ARHGAP32: variants seen among roughly 807,000 people sequenced by gnomAD.
ARHGAP32 encodes the protein rho GTPase-activating protein 32.
A neutral mutation model predicts 186.5 loss-of-function variants in ARHGAP32; 51 were observed. The observed-to-expected ratio is 0.27, with a 90% CI of 0.22 to 0.35. The LOEUF is 0.35. Ranked by LOEUF, ARHGAP32 falls within the 10% of genes least tolerant of loss-of-function variation. The pLI, the probability that ARHGAP32 is intolerant of heterozygous loss-of-function variation, is 1.00. For synonymous variants in ARHGAP32, 950 were observed against 964.3 expected (o/e 0.99, Z 0.27); for missense variants, 2,186 against 2,623.5 (o/e 0.83, Z 3.64).
At chr11:129,279,113 G>C (rs1482377024) in intron 1 of ARHGAP32, 1 of 146,160 alleles carries the variant, frequency 6.8e-6, no homozygotes, top group Non-Finnish European at 1.5e-5. Context: ...CCACGTCACC[G>C]GCGCCCCCGG....
chr11:129,120,232 G>T (rs1762045636), intron 5 of ARHGAP32, among the ~76,000 whole-genome samples: 1 of 152,054 alleles, frequency 6.6e-6, no homozygotes, highest in African/African-American at 2.4e-5. Flanking sequence ...CAGAAAGAAA[G>T]ATGCCCAAGA....
intron 2 of ARHGAP32, among the ~76,000 whole-genome samples, chr11:129,132,768 A>C (rs73019118): frequency 0.068 from 10,368 of 152,304 alleles, 420 homozygotes; most frequent in Middle Eastern, 0.082. Context: ...TCAAATCTGA[A>C]ATGAAACAGA....
chr11:129,275,774 A>C (rs1945522666), intron 1 of ARHGAP32, among the ~76,000 whole-genome samples: 1 of 152,262 alleles, frequency 6.6e-6, no homozygotes, highest in Non-Finnish European at 1.5e-5. Context: ...CATTCTCATG[A>C]CATGAAATTT....
At chr11:129,088,762 G>C (rs1231177649) in intron 6 of ARHGAP32, among the ~76,000 whole-genome samples, 3 of 152,056 alleles carry the variant, frequency 2.0e-5, no homozygotes, top group African/African-American at 7.2e-5. Flanking sequence ...ATTGCTACCA[G>C]CTGGGCACAA....
At chr11:129,094,733 CACTT>C (rs767728697) in intron 5 of ARHGAP32, among the ~76,000 whole-genome samples, 7 of 152,298 alleles carry the variant, frequency 4.6e-5, no homozygotes, top group Non-Finnish European at 1.0e-4. Context: ...TTGCTTTACT[CACTT>C]ATGTTACACA....
intron 1 of ARHGAP32, among the ~76,000 whole-genome samples, chr11:129,231,466 T>C (rs1469193833): frequency 6.6e-6 from 1 of 152,156 alleles, no homozygotes; most frequent in Admixed American, 6.5e-5. Flanking sequence ...ACTTTAAATT[T>C]TTAAAAAACC....
chr11:129,209,732 T>G (rs964897585), intron 1 of ARHGAP32, among the ~76,000 whole-genome samples: 1 of 151,900 alleles, frequency 6.6e-6, no homozygotes, highest in African/African-American at 2.4e-5. Context: ...AAAGTAAAGA[T>G]TTTTCTTCTC....
At chr11:129,128,385 A>T (rs1942711946) in intron 2 of ARHGAP32, among the ~76,000 whole-genome samples, 1 of 152,202 alleles carries the variant, frequency 6.6e-6, no homozygotes, top group Non-Finnish European at 1.5e-5. Context: ...CACAATCCCC[A>T]TTAAAACACT....
chr11:129,167,238 C>T lies in ARHGAP32; in HGVS notation c.117-2811G>A, dbSNP rs188432080. On this transcript the variant is annotated intron_variant, in intron 1 of 22. Transcript: ENST00000682385. ...GCAAACAGACTAGCTGGGAAAGATA[C>T]GGAGAAATCACACCCCTCATTCATT... Among the ~76,000 whole-genome samples the T allele has an allele frequency of 5.2e-3, 789 of 152,170 alleles. 2 individuals are homozygous for T. The highest frequency in any genetic ancestry group is 0.018 in the African/African-American group (751 of 41,522).
intron 2 of ARHGAP32, among the ~76,000 whole-genome samples, chr11:129,145,297 A>G (rs1943145658): frequency 7.6e-6 from 1 of 131,184 alleles, no homozygotes; most frequent in South Asian, 2.4e-4. Flanking sequence ...TACTAGTAAA[A>G]ATGTGCATGC....
intron 2 of ARHGAP32, among the ~76,000 whole-genome samples, chr11:129,156,768 A>G (rs921664656): frequency 3.3e-5 from 5 of 152,174 alleles, no homozygotes; most frequent in African/African-American, 7.2e-5. Context: ...CCTGAACCCC[A>G]TGCCTCCTGA....
At position 128,986,033 on chromosome 11, in the gene ARHGAP32, A is replaced by T; in HGVS notation, c.1496T>A (p.Val499Asp). 6.2e-7 allele frequency: 1 copy of T among 1,608,110 alleles called. No individual in the cohort carries two copies. The highest frequency in any genetic ancestry group is 8.5e-7 in the Non-Finnish European group (1 of 1,178,182). The change falls in exon 15 of 23, where the codon GTC (valine) becomes GAC (aspartate). Residue 499 changes from valine (V) to aspartate (D), a missense_variant. By Grantham distance (152) the Val-to-Asp change is radical. This residue lies in a region of ARHGAP32 where 308 missense variants were observed against 596.5 expected (regional missense o/e 0.52). Coordinates refer to ENST00000682385, the MANE Select transcript of ARHGAP32 (RefSeq NM_001378024.1). ...GTGTGGTGGGGGGAGCTGCTGGATGACATCGTGGATTTTTATCAGCCTTTC... is the reference window on the plus strand; with the variant it reads ...GTGTGGTGGGGGGAGCTGCTGGATGTCATCGTGGATTTTTATCAGCCTTTC... ...DEERLIKIHDVIQQLPPPHYR... is the reference protein window; with the variant it reads ...DEERLIKIHDDIQQLPPPHYR...
chr11:129,025,285 T>C (rs1938785483), intron 11 of ARHGAP32, among the ~76,000 whole-genome samples: 1 of 152,198 alleles, frequency 6.6e-6, no homozygotes, highest in South Asian at 2.1e-4. Context: ...TCATGCACCA[T>C]TCCAAAATCT....
At chr11:129,086,274 A>G (rs1027732680) in intron 6 of ARHGAP32, among the ~76,000 whole-genome samples, 1 of 152,208 alleles carries the variant, frequency 6.6e-6, no homozygotes, top group Non-Finnish European at 1.5e-5. Flanking sequence ...CTTTTACAAG[A>G]ATTAACTCAA....
chr11:129,210,476 T>C (rs1002889192), intron 1 of ARHGAP32, among the ~76,000 whole-genome samples: 6 of 152,204 alleles, frequency 3.9e-5, no homozygotes, highest in African/African-American at 1.4e-4. Context: ...AATTTACAAG[T>C]GGTAGTTGCC....
At chr11:129,132,499 T>G (rs1273616828) in intron 2 of ARHGAP32, among the ~76,000 whole-genome samples, 2 of 147,284 alleles carry the variant, frequency 1.4e-5, no homozygotes, top group African/African-American at 5.0e-5. Context: ...AAAAGCAGGA[T>G]AAGACCACAG....
chr11:129,250,111 G>A (rs1945159498), intron 1 of ARHGAP32, among the ~76,000 whole-genome samples: 1 of 152,058 alleles, frequency 6.6e-6, no homozygotes, highest in Non-Finnish European at 1.5e-5. Flanking sequence ...CAGCTGCTCA[G>A]GAGGGTGAAG....
intron 5 of ARHGAP32, among the ~76,000 whole-genome samples, chr11:129,104,318 G>C (rs545115189): frequency 1.3e-5 from 2 of 152,132 alleles, no homozygotes; most frequent in Admixed American, 6.5e-5. Context: ...AATTATGAAA[G>C]ATGAAAAGTT....
At chr11:129,225,888 C>T (rs1944774490) in intron 1 of ARHGAP32, among the ~76,000 whole-genome samples, 2 of 152,150 alleles carry the variant, frequency 1.3e-5, no homozygotes, top group South Asian at 2.1e-4. Context: ...GAGAATGATG[C>T]TTCACCAAAT....
Sources: allele counts gnomAD v4.1 joint callset (sites outside exome capture counted in the v4.1 genomes callset), GRCh38; gene constraint gnomAD v4.1.1; regional missense constraint gnomAD v4.1.1; transcripts MANE v1.5; gene names NCBI Gene and HGNC (gene_info 2026-07-23, HGNC 2026-07-21).